GFPT2: variants seen among roughly 807,000 people sequenced by gnomAD.
The protein encoded by GFPT2 is glutamine--fructose-6-phosphate transaminase 2.
Under a neutral mutation model 85.6 loss-of-function variants are expected in GFPT2, and 62 were observed. The ratio of observed to expected loss-of-function variants is 0.72; its 90% CI spans 0.59 to 0.90. GFPT2 has a LOEUF of 0.90. Ranked by LOEUF, GFPT2 falls within the 40% of genes least tolerant of loss-of-function variation. The pLI is 0.00. For synonymous variants in GFPT2, 368 were observed against 344.5 expected, an observed-to-expected ratio of 1.07 and a Z score of -0.75; for missense variants, 788 against 893.4, an observed-to-expected ratio of 0.88 and a Z score of 1.50.
At chr5:180,315,855 G>A (rs1047318101) in intron 13 of GFPT2, among the ~76,000 whole-genome samples, 3 of 152,124 alleles carry the variant, frequency 2.0e-5, no homozygotes, top group Non-Finnish European at 4.4e-5. Flanking sequence ...AGGGAGCACT[G>A]TCTCCCCCAC....
intron 7 of GFPT2, among the ~76,000 whole-genome samples, chr5:180,326,549 T>C (rs1243342774): frequency 6.6e-6 from 1 of 152,236 alleles, no homozygotes; most frequent in East Asian, 1.9e-4. Context: ...ACCCCACTTA[T>C]GGCTTCTCAA....
At chr5:180,329,825 C>T (rs12521644) in intron 6 of GFPT2, among the ~76,000 whole-genome samples, 4 of 152,208 alleles carry the variant, frequency 2.6e-5, no homozygotes, top group Admixed American at 2.6e-4. Flanking sequence ...TCTCGTCCTC[C>T]CGCACCCTGC....
intron 13 of GFPT2, among the ~76,000 whole-genome samples, chr5:180,315,438 A>G (rs1383538665): frequency 6.6e-6 from 1 of 152,058 alleles, no homozygotes; most frequent in Non-Finnish European, 1.5e-5. Flanking sequence ...TCAGCCTCCC[A>G]AAGTGCTGGG....
Position 180,323,720 on chromosome 5 carries a change from G to A in GFPT2, c.794+468C>T, listed in dbSNP as rs1764162664. Reference sequence around the variant, plus strand: ...GTCTTTCACAAATGGTCTCACCCCAGGCAAAGGCAGGGAGGGGCATGGGAG... The same window carrying A: ...GTCTTTCACAAATGGTCTCACCCCAAGCAAAGGCAGGGAGGGGCATGGGAG... On this transcript the variant is annotated intron_variant, in intron 9 of 18. Coordinates refer to ENST00000253778, the MANE Select transcript of GFPT2 (RefSeq NM_005110.4). The surrounding 1 kb of genome is among the most constrained non-coding windows in gnomAD (Gnocchi z 4.0). Among the ~76,000 whole-genome samples the A allele has an allele frequency of 2.0e-5, 3 of 152,126 alleles. No individual in the cohort carries two copies. Among genetic ancestry groups the A allele is most frequent in the Non-Finnish European group, 1.5e-5 (1 of 68,026 alleles).
intron 1 of GFPT2, among the ~76,000 whole-genome samples, chr5:180,340,870 C>T (rs1457475254): frequency 6.6e-6 from 1 of 152,146 alleles, no homozygotes; most frequent in African/African-American, 2.4e-5. Context: ...TCCCTATGAC[C>T]TAATCGCCTC....
chr5:180,320,677 G>A (rs1250121673), intron 9 of GFPT2, among the ~76,000 whole-genome samples: 1 of 152,214 alleles, frequency 6.6e-6, no homozygotes, highest in African/African-American at 2.4e-5. Flanking sequence ...GGAGGCAGGA[G>A]AATCACTTGA....
chr5:180,342,097 CTCTCT>C (rs1764527887), intron 1 of GFPT2, among the ~76,000 whole-genome samples: 1 of 152,146 alleles, frequency 6.6e-6, no homozygotes, highest in African/African-American at 2.4e-5. Context: ...CCTGCACACA[CTCTCT>C]TCTCTTGTCT....
intron 13 of GFPT2, 99 bp from the exon 14 acceptor site, chr5:180,314,063 G>A (rs2127649114): frequency 8.2e-7 from 1 of 1,213,272 alleles, no homozygotes; most frequent in Non-Finnish European, 1.1e-6. Context: ...GGAAATCGGC[G>A]CCCGAGACAC....
In GFPT2 at chr5:180,353,274, GGGGCTCCTCCGT is replaced by G. The variant is rs1443457163; in HGVS notation, c.-69_-58del. ...GAGGGGGTCTGCCCGTTCGGACGCTGGGGCTCCTCCGTGGGCTCCTCCGTGGGCTCCGTGGGC... is the reference window on the plus strand; with the variant it reads ...GAGGGGGTCTGCCCGTTCGGACGCTGGGGCTCCTCCGTGGGCTCCGTGGGC... On this transcript the variant is annotated 5_prime_UTR_variant, in exon 1 of 19. Coordinates refer to ENST00000253778, the MANE Select transcript of GFPT2 (RefSeq NM_005110.4). The G allele has an allele frequency of 2.5e-4, 311 of 1,231,690 alleles. 1 individual carries two copies. The highest frequency in any genetic ancestry group is 8.6e-4 in the East Asian group (27 of 31,416). 76.3% of individuals were successfully genotyped at this position (1,231,690 alleles called of 1,614,324 possible). A position where few individuals can be genotyped will look rare whatever the true frequency, so the allele number is the denominator to read the frequency against.
chr5:180,347,776 G>C (rs1230515983), intron 1 of GFPT2, among the ~76,000 whole-genome samples: 6 of 152,060 alleles, frequency 3.9e-5, no homozygotes, highest in African/African-American at 1.4e-4. Context: ...CTAGGGCACT[G>C]AATTCCTGGG....
intron 9 of GFPT2, 152 bp downstream of exon 9, chr5:180,324,036 C>A: frequency 1.5e-6 from 1 of 668,572 alleles, no homozygotes; most frequent in South Asian, 1.8e-5. Flanking sequence ...GACTCCAGGC[C>A]CAGGCCCAGG....
chr5:180,334,230 C>G (rs1245004216), intron 4 of GFPT2, among the ~76,000 whole-genome samples: 1 of 152,228 alleles, frequency 6.6e-6, no homozygotes, highest in African/African-American at 2.4e-5. Context: ...GCCCTGGCTC[C>G]TGTGCTACCA....
intron 17 of GFPT2, 29 bp from the exon 18 acceptor site, chr5:180,302,613 A>G (rs771232350): frequency 1.9e-6 from 3 of 1,583,994 alleles, no homozygotes; most frequent in Non-Finnish European, 2.6e-6. Context: ...ATCATAAAAT[A>G]GACCCTCTCT....
rs1764184021 is a variant in GFPT2 at position 180,324,865 on chromosome 5, C to A, written c.627G>T (p.Arg209=). The A allele has an allele frequency of 1.9e-6, 3 of 1,612,490 alleles. No individual in the cohort carries two copies. Among genetic ancestry groups the A allele is most frequent in the Non-Finnish European group, 2.5e-6 (3 of 1,178,520 alleles). The change falls in exon 8 of 19, where the codon CGG becomes CGT. Residue 209 remains arginine (R), a synonymous_variant. Coordinates refer to ENST00000253778, the MANE Select transcript of GFPT2 (RefSeq NM_005110.4). ...RRGSPLLIGV[R]SKYKLSTEQI... Reference sequence around the variant, plus strand: ...GTTCTGTGGAGAGCTTGTATTTGCTCCGGACTCCGATGAGCAGGGGGCTGC... The same window carrying A: ...GTTCTGTGGAGAGCTTGTATTTGCTACGGACTCCGATGAGCAGGGGGCTGC...
chr5:180,346,418 C>T (rs1300390175), intron 1 of GFPT2, among the ~76,000 whole-genome samples: 1 of 152,202 alleles, frequency 6.6e-6, no homozygotes, highest in Non-Finnish European at 1.5e-5. Context: ...CCAAGCCCCA[C>T]CACGGGACAG....
chr5:180,334,759 C>T (rs1764365365), intron 4 of GFPT2, among the ~76,000 whole-genome samples: 1 of 152,152 alleles, frequency 6.6e-6, no homozygotes, highest in African/African-American at 2.4e-5. Context: ...GTGGGGGACC[C>T]CCTGGAAGGC....
rs770173247 is a variant in GFPT2, at chr5:180,304,942, G to A, written c.1675-3C>T. ...ATGTAGGTTATCTCTTTAATTTTCTGGAAACAGGAGGTGAGATCAGAGTCA... is the reference window on the plus strand; with the variant it reads ...ATGTAGGTTATCTCTTTAATTTTCTAGAAACAGGAGGTGAGATCAGAGTCA... On this transcript the variant is annotated splice_polypyrimidine_tract_variant and splice_region_variant and intron_variant, in intron 16 of 18. Coordinates refer to ENST00000253778, the MANE Select transcript of GFPT2 (RefSeq NM_005110.4). The A allele has an allele frequency of 3.8e-5, 61 of 1,601,126 alleles. No individual in the cohort carries two copies. Among genetic ancestry groups the A allele is most frequent in the Non-Finnish European group, 5.0e-5 (59 of 1,169,236 alleles).
At chr5:180,302,122 C>CA (rs1763686506) in intron 18 of GFPT2, among the ~76,000 whole-genome samples, 1 of 149,484 alleles carries the variant, frequency 6.7e-6, no homozygotes, top group African/African-American at 2.5e-5. Context: ...CCCGTCTCTA[C>CA]AAAAAATACA....
chr5:180,319,092 T>C, intron 9 of GFPT2, 136 bp from the exon 10 acceptor site: 1 of 700,354 alleles, frequency 1.4e-6, no homozygotes, highest in Admixed American at 2.6e-5. Flanking sequence ...CTAAAAACAT[T>C]GATTTGCAGG....
Sources: gnomAD v4.1 joint callset for allele counts (sites outside exome capture counted in the v4.1 genomes callset) on GRCh38, gnomAD v4.1.1 for gene constraint, Gnocchi (gnomAD v3.1) non-coding constraint, MANE v1.5 for transcripts, NCBI Gene and HGNC (gene_info 2026-07-23, HGNC 2026-07-21) for gene names.